The following PPP3CB variants were observed in gnomAD, a reference collection of about 807,000 sequenced individuals.
The protein encoded by PPP3CB is serine/threonine-protein phosphatase 2B catalytic subunit beta isoform.
A neutral mutation model predicts 66.4 loss-of-function variants in PPP3CB; 8 were observed. The ratio of observed to expected loss-of-function variants is 0.12; its 90% CI spans 0.07 to 0.22. The LOEUF is 0.22. Among genes scored for constraint, PPP3CB ranks in the 10% least tolerant of loss-of-function variants. PPP3CB has a pLI of 1.00. For missense variants in PPP3CB, 319 were observed against 642.5 expected, an observed-to-expected ratio of 0.50 and a Z score of 5.44; for synonymous variants, 208 against 221.2, an observed-to-expected ratio of 0.94 and a Z score of 0.53.
chr10:73,439,581 G>T (rs901471418), intron 13 of PPP3CB, among the ~76,000 whole-genome samples: 7 of 152,048 alleles, frequency 4.6e-5, no homozygotes, highest in African/African-American at 1.7e-4. Flanking sequence ...ACTTTATAAA[G>T]CTATACTGTA....
chr10:73,442,724 T>C (rs1307171440), intron 12 of PPP3CB, among the ~76,000 whole-genome samples: 1 of 151,872 alleles, frequency 6.6e-6, no homozygotes, highest in Non-Finnish European at 1.5e-5. Context: ...GTTTTTTTTT[T>C]TTAAAGAAAA....
At chr10:73,457,260 G>GAAAAAAAAAAAAAAAAAAAA (rs35129439) in intron 9 of PPP3CB, among the ~76,000 whole-genome samples, 3 of 69,030 alleles carry the variant, frequency 4.3e-5, no homozygotes, top group Non-Finnish European at 5.8e-5. Context: ...CTCTAAAAAA[G>GAAAAAAAAAAAAAAAAAAAA]AAAAAAAAAA....
At chr10:73,490,839 T>A (rs2133045359) in intron 1 of PPP3CB, among the ~76,000 whole-genome samples, 1 of 152,044 alleles carries the variant, frequency 6.6e-6, no homozygotes, top group African/African-American at 2.4e-5. Context: ...TATTTATTTA[T>A]TTTTATTTAT....
chr10:73,491,215 G>C (rs2057073175), intron 1 of PPP3CB, among the ~76,000 whole-genome samples: 1 of 151,874 alleles, frequency 6.6e-6, no homozygotes, highest in South Asian at 2.1e-4. Flanking sequence ...ATTTTTAGTA[G>C]AGACGGGGTT....
intron 10 of PPP3CB, among the ~76,000 whole-genome samples, chr10:73,452,602 A>G (rs1307728411): frequency 6.6e-6 from 1 of 152,008 alleles, no homozygotes; most frequent in South Asian, 2.1e-4. Context: ...AGGCTGAGGC[A>G]GGAGAATTGC....
At position 73,479,493 on chromosome 10, in the gene PPP3CB, C is replaced by A. The variant is rs149808527; in HGVS notation, c.110G>T (p.Arg37Leu). 68 of 1,613,880 alleles carry A rather than the reference C, an allele frequency of 4.2e-5. 1 individual carries two copies. In the South Asian group the frequency reaches 7.1e-4, roughly 17 times the overall value. The change falls in exon 2 of 14, where the codon CGC becomes CTC. Residue 37 changes from arginine (R) to leucine (L), a missense_variant. Around this residue, in one of 5 missense-constraint regions of PPP3CB, gnomAD observed 104 missense variants for 128.4 expected, o/e 0.81. Coordinates refer to ENST00000360663, the MANE Select transcript of PPP3CB (RefSeq NM_021132.4). ...VKAVPFPPTHRLTSEEVFDLD... is the reference protein window; with the variant it reads ...VKAVPFPPTHLLTSEEVFDLD... The stretch of plus-strand genomic sequence containing the variant: ...ATCAAATACTTCTTCAGATGTCAAG[C>A]GATGTGTTGGGGGGAAAGGGACAGC...
At chr10:73,478,667 A>C in intron 2 of PPP3CB, 44 bp from the exon 3 acceptor site, 1 of 1,566,344 alleles carries the variant, frequency 6.4e-7, no homozygotes, top group Non-Finnish European at 8.7e-7. Context: ...AATCTCTAAA[A>C]CAACAAATTT....
At chr10:73,466,755 G>C (rs979743364) in intron 9 of PPP3CB, among the ~76,000 whole-genome samples, 1 of 152,116 alleles carries the variant, frequency 6.6e-6, no homozygotes, top group African/African-American at 2.4e-5. Context: ...GGAACATTTT[G>C]TAATATGGAA....
intron 3 of PPP3CB, among the ~76,000 whole-genome samples, chr10:73,478,004 G>A (rs915105081): frequency 3.3e-5 from 5 of 152,108 alleles, no homozygotes; most frequent in Non-Finnish European, 4.4e-5. Context: ...AATGCCTCAA[G>A]TTTTTAAAAA....
intron 9 of PPP3CB, chr10:73,467,284 G>GAAA: frequency 4.3e-5 from 6 of 140,596 alleles, no homozygotes; most frequent in Non-Finnish European, 5.7e-5. Context: ...TTAAGCTAAA[G>GAAA]AAAAAAAAAA....
At chr10:73,462,250 C>T (rs1458662263) in intron 9 of PPP3CB, among the ~76,000 whole-genome samples, 2 of 149,256 alleles carry the variant, frequency 1.3e-5, no homozygotes, top group Non-Finnish European at 3.0e-5. Context: ...CCTTGAACTC[C>T]TAGGCTCAAG....
chr10:73,456,031 C>T (rs898538449), intron 9 of PPP3CB, among the ~76,000 whole-genome samples: 10 of 152,024 alleles, frequency 6.6e-5, no homozygotes, highest in Non-Finnish European at 1.0e-4. Flanking sequence ...AATAAGTACA[C>T]AAAATAAGAA....
At chr10:73,456,554 C>G (rs1235928352) in intron 9 of PPP3CB, among the ~76,000 whole-genome samples, 1 of 152,114 alleles carries the variant, frequency 6.6e-6, no homozygotes, top group Non-Finnish European at 1.5e-5. Context: ...TGATTTTTGA[C>G]AAGGGTGCCA....
intron 1 of PPP3CB, among the ~76,000 whole-genome samples, chr10:73,479,830 T>C (rs1266529710): frequency 1.3e-5 from 2 of 152,348 alleles, no homozygotes; most frequent in Middle Eastern, 3.4e-3. Context: ...TATTGTATTA[T>C]AGTATTAGAT....
intron 10 of PPP3CB, among the ~76,000 whole-genome samples, chr10:73,451,616 G>T (rs2056345448): frequency 6.6e-6 from 1 of 151,792 alleles, no homozygotes; most frequent in Non-Finnish European, 1.5e-5. Context: ...AAAAACAAAA[G>T]ACTTGGCCAG....
In PPP3CB at chr10:73,444,707, G is replaced by A. The variant is rs186726269; in HGVS notation, c.1366+18C>T. 6.2e-7 allele frequency: 1 copy of A among 1,614,154 alleles called. No homozygotes were observed. Among genetic ancestry groups the A allele is most frequent in the African/African-American group, 1.3e-5 (1 of 75,064 alleles). ...CCCCAGTCCATCTGAGGCACAGCAA[G>A]TTGCATAACATCATTACCACTTTGC... On this transcript the variant is annotated intron_variant, in intron 12 of 13. Coordinates refer to ENST00000360663, the MANE Select transcript of PPP3CB (RefSeq NM_021132.4).
intron 11 of PPP3CB, among the ~76,000 whole-genome samples, chr10:73,445,323 A>G (rs530821245): frequency 3.5e-4 from 54 of 152,328 alleles, no homozygotes; most frequent in African/African-American, 1.2e-3. Context: ...CTAATTTTCA[A>G]GGTGTGAATT....
At chr10:73,484,097 C>T (rs1200688504) in intron 1 of PPP3CB, among the ~76,000 whole-genome samples, 1 of 151,674 alleles carries the variant, frequency 6.6e-6, no homozygotes. Context: ...GAGCTGAGAT[C>T]GTGCCACTGA....
At chr10:73,487,876 T>C (rs1340443543) in intron 1 of PPP3CB, among the ~76,000 whole-genome samples, 2 of 150,996 alleles carry the variant, frequency 1.3e-5, no homozygotes, top group Non-Finnish European at 2.9e-5. Flanking sequence ...GCCTCCCAGG[T>C]TCAAGCGATT....
Sources: gnomAD v4.1 joint callset for allele counts (sites outside exome capture counted in the v4.1 genomes callset) on GRCh38, gnomAD v4.1.1 for gene constraint, gnomAD v4.1.1 regional missense constraint, MANE v1.5 for transcripts, NCBI Gene and HGNC (gene_info 2026-07-23, HGNC 2026-07-21) for gene names.